The following ADGRL3 variants were observed in gnomAD, a reference collection of about 807,000 sequenced individuals.
ADGRL3 encodes calcium-independent alpha-latrotoxin receptor 3.
A neutral mutation model predicts 153.5 loss-of-function variants in ADGRL3; 62 were observed. That is an observed-to-expected ratio of 0.40 (90% CI 0.33 to 0.50). The LOEUF is 0.50. Ranked by LOEUF, ADGRL3 falls within the 20% of genes least tolerant of loss-of-function variation. The probability of loss-of-function intolerance (pLI) is 0.47; values close to 1 mark genes in which losing one functional copy is unlikely to be tolerated. For synonymous variants in ADGRL3, 710 were observed against 672.5 expected (o/e 1.06, Z -0.86); for missense variants, 1,641 against 1,859.4 (o/e 0.88, Z 2.16).
intron 1 of ADGRL3, among the ~76,000 whole-genome samples, chr4:61,336,498 CTGTT>C (rs150279782): frequency 0.11 from 17,150 of 152,042 alleles, 1,131 homozygotes; most frequent in South Asian, 0.2. Context: ...GACGGTCTAT[CTGTT>C]TGGGCTTTTC....
intron 5 of ADGRL3, among the ~76,000 whole-genome samples, chr4:61,645,404 G>A (rs1038638746): frequency 3.3e-5 from 5 of 150,690 alleles, no homozygotes; most frequent in African/African-American, 1.2e-4. Flanking sequence ...ATTTTGGCAT[G>A]ATTTTGCAGC....
chr4:61,964,854 A>C (rs2099000379), intron 17 of ADGRL3, among the ~76,000 whole-genome samples: 1 of 152,160 alleles, frequency 6.6e-6, no homozygotes, highest in African/African-American at 2.4e-5. Context: ...AAACCTTTCC[A>C]TCCTAATATC....
rs569770298 is a variant in ADGRL3 at position 61,755,747 on chromosome 4, T to C, written c.1399+22193T>C. ...AGGTTTTATTCTAGGTTTTTTATGG[T>C]TTCAGGTCTAACATTTAAGTCTTTA... is the stretch of plus-strand genomic sequence containing the variant. On this transcript the variant is annotated intron_variant, in intron 8 of 26. Transcript: ENST00000683033. 7.2e-5 allele frequency among the ~76,000 whole-genome samples: 11 copies of C among 152,278 alleles called. No homozygotes were observed. In the East Asian group the frequency reaches 1.9e-3, roughly 27 times the overall value.
intron 4 of ADGRL3, among the ~76,000 whole-genome samples, chr4:61,572,144 G>A (rs923744768): frequency 6.6e-6 from 1 of 151,810 alleles, no homozygotes; most frequent in Admixed American, 6.6e-5. Flanking sequence ...CTTTTTCTTG[G>A]CAATACTTGC....
At chr4:61,567,436 G>A (rs2098820864) in intron 4 of ADGRL3, among the ~76,000 whole-genome samples, 1 of 152,166 alleles carries the variant, frequency 6.6e-6, no homozygotes, top group Admixed American at 6.5e-5. Flanking sequence ...GCCCTGATAA[G>A]TTGGATTAGT....
intron 2 of ADGRL3, among the ~76,000 whole-genome samples, chr4:61,454,273 G>A (rs139544243): frequency 6.6e-6 from 1 of 151,712 alleles, no homozygotes; most frequent in African/African-American, 2.4e-5. Context: ...AAAACAATCT[G>A]TGCTACCTGA....
At chr4:61,757,421 G>A (rs2096849084) in intron 8 of ADGRL3, among the ~76,000 whole-genome samples, 1 of 152,120 alleles carries the variant, frequency 6.6e-6, no homozygotes, top group African/African-American at 2.4e-5. Context: ...GGTGTTTATA[G>A]TATTCTCTGA....
In ADGRL3 at chr4:61,602,254, C is replaced by T. The variant is rs903857220; in HGVS notation, c.473+14814C>T. Among the ~76,000 whole-genome samples, 3 of 151,994 alleles carry T rather than the reference C, an allele frequency of 2.0e-5. No individual in the cohort carries two copies. In the South Asian group the frequency reaches 6.2e-4, roughly 32 times the overall value. On this transcript the variant is annotated intron_variant, in intron 5 of 26. Transcript: ENST00000683033. Reference sequence around the variant, plus strand: ...AAGTCCAACGAAAAGCCTCTTTATCCCTACTTTTCCAGAAAAACCCACTTA... The same window carrying T: ...AAGTCCAACGAAAAGCCTCTTTATCTCTACTTTTCCAGAAAAACCCACTTA...
At chr4:61,829,709 G>C (rs1430320248) in intron 9 of ADGRL3, among the ~76,000 whole-genome samples, 1 of 152,054 alleles carries the variant, frequency 6.6e-6, no homozygotes, top group South Asian at 2.1e-4. Context: ...TTTAAAAAAA[G>C]AACTTCTCCA....
chr4:61,676,912 T>A lies in ADGRL3; in HGVS notation c.560T>A (p.Val187Glu). 1 of 1,610,744 alleles carries A rather than the reference T, an allele frequency of 6.2e-7. No individual in the cohort carries two copies. Among genetic ancestry groups the A allele is most frequent in the Non-Finnish European group, 8.5e-7 (1 of 1,177,344 alleles). The part of the protein sequence containing the change: ...PCPGTYKYLE[V>E]QYECVPYKVE... ...CCAGGAACCTATAAATACCTTGAAG[T>A]GCAGTATGAATGTGTCCCTTACAGT... The change falls in exon 6 of 27, where the codon GTG becomes GAG. Residue 187 changes from valine (V) to glutamate (E), a missense_variant. Transcript: ENST00000683033.
chr4:62,065,610 GT>G lies in ADGRL3; in HGVS notation c.3815-2555del, dbSNP rs1742578654. ...TCTACTCTATTCAGTACATAGAAGA[GT>G]CATAGGTATTTATTTTAAAACAAAT... On this transcript the variant is annotated intron_variant, in intron 25 of 26. Coordinates refer to ENST00000683033, the MANE Select transcript of ADGRL3 (RefSeq NM_001387552.1). Among the ~76,000 whole-genome samples, 3 of 152,060 alleles carry G rather than the reference GT, an allele frequency of 2.0e-5. No homozygotes were observed. In the East Asian group the frequency reaches 5.8e-4, roughly 29 times the overall value.
chr4:61,326,905 T>C (rs767723426), intron 1 of ADGRL3, among the ~76,000 whole-genome samples: 2 of 151,796 alleles, frequency 1.3e-5, no homozygotes, highest in Non-Finnish European at 2.9e-5. Context: ...ATGCTAAGAG[T>C]TATTATGGTC....
At chr4:61,606,695 G>T (rs973929676) in intron 5 of ADGRL3, among the ~76,000 whole-genome samples, 2 of 152,038 alleles carry the variant, frequency 1.3e-5, no homozygotes, top group African/African-American at 4.8e-5. Flanking sequence ...GCAGGGAGAG[G>T]GGACAATTTA....
intron 2 of ADGRL3, among the ~76,000 whole-genome samples, chr4:61,496,523 G>T (rs1360772818): frequency 1.3e-5 from 2 of 151,982 alleles, no homozygotes; most frequent in African/African-American, 4.8e-5. Flanking sequence ...ATTAGCTGGG[G>T]TGAAGCTACC....
intron 2 of ADGRL3, among the ~76,000 whole-genome samples, chr4:61,457,771 ATGAT>A (rs2097769602): frequency 1.3e-5 from 2 of 151,932 alleles, no homozygotes; most frequent in South Asian, 4.1e-4. Context: ...GACATGTAAA[ATGAT>A]TGGATTGGGT....
intron 5 of ADGRL3, among the ~76,000 whole-genome samples, chr4:61,656,193 C>CA (rs2094438611): frequency 1.3e-5 from 2 of 152,168 alleles, no homozygotes; most frequent in African/African-American, 4.8e-5. Flanking sequence ...ATGAATGCTT[C>CA]TTAATGCTAT....
At chr4:61,639,427 G>A (rs537243393) in intron 5 of ADGRL3, among the ~76,000 whole-genome samples, 1 of 152,028 alleles carries the variant, frequency 6.6e-6, no homozygotes, top group East Asian at 1.9e-4. Flanking sequence ...TCCCAAAATA[G>A]GATTGAACAT....
rs138708563 is a variant in ADGRL3 at position 61,893,025 on chromosome 4, T to C, written c.1783+67T>C. The C allele has an allele frequency of 1.5e-3, 1,503 of 1,029,200 alleles. 15 individuals carry two copies. The Admixed American group carries it at 0.024, about 17-fold the overall frequency. 63.8% of individuals were successfully genotyped at this position (1,029,200 alleles called of 1,614,324 possible). On this transcript the variant is annotated intron_variant, in intron 10 of 26. Transcript: ENST00000683033. The stretch of plus-strand genomic sequence containing the variant: ...CTTTGGCTTTATTTTCTAGTATTCT[T>C]TTCCTTTTCCTTCCTCCTTTCCTCC...
rs147494783 is a variant in ADGRL3, at chr4:61,908,715, T to C, written c.1888-845T>C. On this transcript the variant is annotated intron_variant, in intron 11 of 26. Transcript: ENST00000683033. ...TTTTATTTATTTAGTGTAAATGTGTTATAATCCTGTTTTAGTTTATTAATT... is the reference window on the plus strand; with the variant it reads ...TTTTATTTATTTAGTGTAAATGTGTCATAATCCTGTTTTAGTTTATTAATT... 3.5e-4 allele frequency among the ~76,000 whole-genome samples: 53 copies of C among 152,324 alleles called. No individual in the cohort carries two copies. The East Asian group carries it at 9.8e-3, about 28-fold the overall frequency.
Sources: allele counts gnomAD v4.1 joint callset (sites outside exome capture counted in the v4.1 genomes callset), GRCh38; gene constraint gnomAD v4.1.1; transcripts MANE v1.5; gene names NCBI Gene and HGNC (gene_info 2026-07-23, HGNC 2026-07-21).